The following WIPI2 variants were observed in gnomAD, a reference collection of about 807,000 sequenced individuals.
WIPI2 encodes WD repeat domain, phosphoinositide interacting 2.
In WIPI2, 28 loss-of-function variants were observed where a neutral mutation model predicts 52.3. The ratio of observed to expected loss-of-function variants is 0.54; its 90% CI spans 0.40 to 0.73. The LOEUF is 0.73. Among genes scored for constraint, WIPI2 ranks in the 30% least tolerant of loss-of-function variants. WIPI2 has a pLI of 0.00. For synonymous variants in WIPI2, 268 were observed against 245.0 expected, an observed-to-expected ratio of 1.09 and a Z score of -0.88; for missense variants, 506 against 602.9, an observed-to-expected ratio of 0.84 and a Z score of 1.68.
chr7:5,209,203 T>G (rs923951825), intron 3 of WIPI2, among the ~76,000 whole-genome samples: 1 of 152,190 alleles, frequency 6.6e-6, no homozygotes, highest in Non-Finnish European at 1.5e-5. Context: ...TAAATTCATA[T>G]ATTAAATAGT....
At chr7:5,203,005 G>T (rs964175821) in intron 3 of WIPI2, among the ~76,000 whole-genome samples, 1 of 152,104 alleles carries the variant, frequency 6.6e-6, no homozygotes, top group Non-Finnish European at 1.5e-5. Context: ...TAAACATTCC[G>T]TTCTGAAACC....
chr7:5,226,723 C>G (rs1053921604), intron 9 of WIPI2: 20 of 155,026 alleles, frequency 1.3e-4, no homozygotes, highest in Non-Finnish European at 1.4e-5. Flanking sequence ...TATTTCATCA[C>G]AATTTTTAAA....
In WIPI2 at chr7:5,190,255, A is replaced by G. The variant is rs1481638095; in HGVS notation, c.-165A>G. ...GGCGTACCGGGTGCCCCGGCTCTGG[A>G]GCATAAACAAGAGCGGGGACGGGAT... On this transcript the variant is annotated 5_prime_UTR_variant, in exon 1 of 13. Transcript: ENST00000288828. 1.4e-5 allele frequency: 5 copies of G among 346,832 alleles called. No homozygotes were observed. Among genetic ancestry groups the G allele is most frequent in the Non-Finnish European group, 1.9e-5 (4 of 207,176 alleles). 21.5% of individuals were successfully genotyped at this position (346,832 alleles called of 1,614,324 possible). A position where few individuals can be genotyped will look rare whatever the true frequency, so the allele number is the denominator to read the frequency against.
intron 4 of WIPI2, among the ~76,000 whole-genome samples, chr7:5,215,659 G>A (rs375234388): frequency 6.6e-6 from 1 of 152,252 alleles, no homozygotes; most frequent in East Asian, 1.9e-4. Flanking sequence ...CAGTAGAGAC[G>A]TTCTTGCCTT....
chr7:5,224,007 A>G (rs1454957757), intron 8 of WIPI2, among the ~76,000 whole-genome samples: 1 of 152,186 alleles, frequency 6.6e-6, no homozygotes, highest in Non-Finnish European at 1.5e-5. Flanking sequence ...CTGTTTGAAA[A>G]ATGTAAATAT....
At chr7:5,218,147 C>G (rs760102895) in intron 7 of WIPI2, 133 bp downstream of exon 7, 3 of 888,056 alleles carry the variant, frequency 3.4e-6, no homozygotes, top group Non-Finnish European at 5.4e-6. Flanking sequence ...CAGCCACCCA[C>G]TTGTCAGGCC....
At chr7:5,210,719 A>G (rs1306844677) in intron 3 of WIPI2, among the ~76,000 whole-genome samples, 2 of 152,264 alleles carry the variant, frequency 1.3e-5, no homozygotes, top group Non-Finnish European at 2.9e-5. Flanking sequence ...TGTTGTTCAC[A>G]GTTCTAGTCT....
intron 8 of WIPI2, among the ~76,000 whole-genome samples, chr7:5,223,905 CCT>C (rs1348518681): frequency 6.6e-6 from 1 of 152,250 alleles, no homozygotes; most frequent in Non-Finnish European, 1.5e-5. Context: ...CCGCCCTGTG[CCT>C]CTCCCGCCAC....
intron 7 of WIPI2, among the ~76,000 whole-genome samples, chr7:5,220,698 A>C (rs1336013986): frequency 6.8e-6 from 1 of 147,080 alleles, no homozygotes; most frequent in Non-Finnish European, 1.5e-5. Context: ...CTGGTCTTGA[A>C]CTCCTGGACT....
chr7:5,198,141 A>G (rs1252109989), intron 2 of WIPI2, among the ~76,000 whole-genome samples: 2 of 152,140 alleles, frequency 1.3e-5, no homozygotes. Context: ...GGGGCCTTTG[A>G]TTCCAGACTC....
rs1052899890 is a variant in WIPI2, at chr7:5,217,633, C to T, written c.577-289C>T. Reference sequence around the variant, plus strand: ...TCTCAGTAGCAGAGTAGGTCTGGCTCATTCTGCTTCTGGATCTGCTGCGGC... The same window carrying T: ...TCTCAGTAGCAGAGTAGGTCTGGCTTATTCTGCTTCTGGATCTGCTGCGGC... On this transcript the variant is annotated intron_variant, in intron 6 of 12. Transcript: ENST00000288828. 1.8e-5 allele frequency: 8 copies of T among 449,774 alleles called. No homozygotes were observed. The Admixed American group carries it at 2.1e-4, about 12-fold the overall frequency. The allele number at this position is 449,774 out of a possible 1,614,324, so 27.9% of individuals were successfully genotyped here. A position where few individuals can be genotyped will look rare whatever the true frequency, so the allele number is the denominator to read the frequency against.
chr7:5,193,679 G>A (rs1283706157), intron 2 of WIPI2, among the ~76,000 whole-genome samples: 7 of 152,186 alleles, frequency 4.6e-5, no homozygotes, highest in African/African-American at 7.2e-5. Context: ...GGGCTCAAGC[G>A]GTCCTCCTGC....
chr7:5,228,604 G>A (rs1277669087), intron 11 of WIPI2, among the ~76,000 whole-genome samples: 2 of 152,234 alleles, frequency 1.3e-5, no homozygotes, highest in East Asian at 3.8e-4. Context: ...GTGGCTGAGA[G>A]CCTCTTGTCT....
intron 3 of WIPI2, among the ~76,000 whole-genome samples, chr7:5,201,749 A>C (rs1283979632): frequency 1.3e-5 from 2 of 152,236 alleles, no homozygotes; most frequent in African/African-American, 2.4e-5. Context: ...GTCTTAATAA[A>C]TAATAAAAAA....
intron 12 of WIPI2, 28 bp downstream of exon 12, chr7:5,229,766 G>C: frequency 6.2e-7 from 1 of 1,610,830 alleles, no homozygotes; most frequent in Non-Finnish European, 8.5e-7. Flanking sequence ...AACCTGGAAG[G>C]TAATTAGCCC....
intron 2 of WIPI2, among the ~76,000 whole-genome samples, chr7:5,198,318 CTT>C (rs35887906): frequency 9.0e-5 from 13 of 144,674 alleles, no homozygotes; most frequent in Non-Finnish European, 7.6e-5. Flanking sequence ...ACTTACTTAA[CTT>C]TTTTTTTTTT....
rs1783506239 is a variant in WIPI2, at chr7:5,227,682, G to C, written c.1013+338G>C. Among the ~76,000 whole-genome samples, 1 of 152,204 alleles carries C rather than the reference G, an allele frequency of 6.6e-6. No homozygotes were observed. Among genetic ancestry groups the C allele is most frequent in the African/African-American group, 2.4e-5 (1 of 41,460 alleles). ...AGTCTCAGGCATCCGTCCGGCTCCA[G>C]GGTCTGGCCTCAGAACACACACAGG... On this transcript the variant is annotated intron_variant, in intron 10 of 12. Transcript: ENST00000288828. This position sits in a 1 kb window ranked among gnomAD's most constrained non-coding sequence, Gnocchi z 8.1.
At position 5,193,118 on chromosome 7, in the gene WIPI2, A is replaced by G; in HGVS notation, c.75A>G (p.Thr25=). The part of the protein sequence containing the change: ...LLFANFNQDN[T]EVKGASRAAG... The stretch of plus-strand genomic sequence containing the variant: ...TGTTTTGTTTTGTTTTTTTACCTAG[A>G]GAAGTGAAAGGGGCATCAAGAGCAG... Residue 25 remains threonine (T), a splice_region_variant and synonymous_variant, in exon 2 of 13, where the codon ACA becomes ACG. Coordinates refer to ENST00000288828, the MANE Select transcript of WIPI2 (RefSeq NM_015610.4). 2 of 1,613,702 alleles carry G rather than the reference A, an allele frequency of 1.2e-6. No homozygotes were observed. The highest frequency in any genetic ancestry group is 1.7e-4 in the Middle Eastern group (1 of 6,052).
In WIPI2 at chr7:5,232,155, G is replaced by T; in HGVS notation, c.*1208G>T. The T allele has an allele frequency of 2.5e-6, 1 of 398,932 alleles. No homozygotes were observed. Among genetic ancestry groups the T allele is most frequent in the Non-Finnish European group, 4.4e-6 (1 of 226,080 alleles). The allele number at this position is 398,932 out of a possible 1,614,324, so 24.7% of individuals were successfully genotyped here. On this transcript the variant is annotated 3_prime_UTR_variant, in exon 13 of 13. Coordinates refer to ENST00000288828, the MANE Select transcript of WIPI2 (RefSeq NM_015610.4). ...AGTGGCATTAATGGCAGGAGAGATG[G>T]TTTTAGAATCTATGGAGTGGTGGAA...
Sources: allele counts gnomAD v4.1 joint callset (sites outside exome capture counted in the v4.1 genomes callset), GRCh38; gene constraint gnomAD v4.1.1; non-coding constraint Gnocchi (gnomAD v3.1); transcripts MANE v1.5; gene names NCBI Gene and HGNC (gene_info 2026-07-23, HGNC 2026-07-21).